Variants in DNAH12 observed in about 807,000 individuals in gnomAD.
The protein encoded by DNAH12 is dynein axonemal heavy chain 12.
Under a neutral mutation model 371.5 loss-of-function variants are expected in DNAH12, and 285 were observed. That is an observed-to-expected ratio of 0.77 (90% confidence interval 0.70 to 0.85). DNAH12 has a LOEUF of 0.85. Ranked by LOEUF, DNAH12 falls within the 40% of genes least tolerant of loss-of-function variation. The pLI is 0.00. For synonymous variants in DNAH12, 1,200 were observed against 1,213.0 expected (o/e 0.99, Z 0.22); for missense variants, 3,611 against 3,689.4 (o/e 0.98, Z 0.55).
At chr3:57,362,719 A>AT (rs2062963307) in intron 58 of DNAH12, among the ~76,000 whole-genome samples, 1 of 151,504 alleles carries the variant, frequency 6.6e-6, no homozygotes, top group Admixed American at 6.6e-5. Flanking sequence ...GGGTTATTTC[A>AT]TTTTTTTCTT....
intron 4 of DNAH12, among the ~76,000 whole-genome samples, chr3:57,518,532 A>AAAAAGAAAAGAAAAG (rs3039031): frequency 1.3e-5 from 2 of 149,564 alleles, no homozygotes; most frequent in Non-Finnish European, 3.0e-5. Flanking sequence ...CTGTCTCAAA[A>AAAAAGAAAAGAAAAG]AAAAGAAAAG....
chr3:57,429,812 A>G (rs2064901406), intron 32 of DNAH12, 38 bp from the exon 33 acceptor site: 18 of 1,477,212 alleles, frequency 1.2e-5, no homozygotes, highest in Non-Finnish European at 1.6e-5. Context: ...ATTTTTTAAA[A>G]TTTCAAGTTT....
chr3:57,302,529 GTATATATATATA>G (rs71088055), intron 69 of DNAH12, among the ~76,000 whole-genome samples: 1 of 47,850 alleles, frequency 2.1e-5, no homozygotes, highest in Non-Finnish European at 3.4e-5. Context: ...GGCATCAGGT[GTATATATATATA>G]TATATATATA....
chr3:57,385,177 CA>C (rs36160600), intron 48 of DNAH12, among the ~76,000 whole-genome samples, 171 bp downstream of exon 48: 98,471 of 152,038 alleles, frequency 0.65, 32,696 homozygotes, highest in Non-Finnish European at 0.74. Flanking sequence ...AAATGGGCTT[CA>C]AAAATTCCTT....
intron 45 of DNAH12, among the ~76,000 whole-genome samples, chr3:57,389,629 C>T (rs1469251372): frequency 6.6e-6 from 1 of 151,696 alleles, no homozygotes; most frequent in African/African-American, 2.4e-5. Context: ...CTTTTCTTAC[C>T]ATGTGACTCC....
Position 57,370,191 on chromosome 3 carries a change from C to A in DNAH12, c.8760-1931G>T, listed in dbSNP as rs1393193777. Among the ~76,000 whole-genome samples, 18 of 150,044 alleles carry A rather than the reference C, an allele frequency of 1.2e-4. No homozygotes were observed. The Admixed American group carries it at 1.2e-3, about 10-fold the overall frequency. On this transcript the variant is annotated intron_variant, in intron 55 of 73. Transcript: ENST00000495027. ...GTATAAACACTAAAAAAGGAACAGA[C>A]TATTTTGCATTTTATTTGTTTGTCT...
In DNAH12 at chr3:57,502,351, T is replaced by G; in HGVS notation, c.1215A>C (p.Glu405Asp). 1 of 1,614,182 alleles carries G rather than the reference T, an allele frequency of 6.2e-7. No individual in the cohort carries two copies. The highest frequency in any genetic ancestry group is 8.5e-7 in the Non-Finnish European group (1 of 1,180,008). The part of the protein sequence containing the change: ...TLKAAVHRNL[E>D]GARKHYETYV... ...ATGTCTCATAATGCTTTCTTGCACCTTCTAAGTTCCGATGTACTGCTGCCT... is the reference window on the plus strand; with the variant it reads ...ATGTCTCATAATGCTTTCTTGCACCGTCTAAGTTCCGATGTACTGCTGCCT... The change falls in exon 10 of 74, where the codon GAA (glutamate) becomes GAC (aspartate). Residue 405 changes from glutamate (E) to aspartate (D), a missense_variant. Glu to Asp is a conservative substitution (Grantham distance 45). Transcript: ENST00000495027.
chr3:57,313,637 A>T (rs539162658), intron 66 of DNAH12, among the ~76,000 whole-genome samples: 2 of 152,276 alleles, frequency 1.3e-5, no homozygotes, highest in African/African-American at 4.8e-5. Context: ...TGGGTGACAG[A>T]GTGAAACTCT....
intron 55 of DNAH12, among the ~76,000 whole-genome samples, chr3:57,372,713 T>A (rs2063200928): frequency 6.6e-6 from 1 of 151,046 alleles, no homozygotes; most frequent in African/African-American, 2.4e-5. Flanking sequence ...GTTTAACCAA[T>A]AAGCCAATGT....
At chr3:57,513,761 C>T (rs1347432418) in intron 4 of DNAH12, among the ~76,000 whole-genome samples, 1 of 152,164 alleles carries the variant, frequency 6.6e-6, no homozygotes, top group African/African-American at 2.4e-5. Context: ...TACCATCTGT[C>T]ACATATCAGA....
intron 30 of DNAH12, among the ~76,000 whole-genome samples, chr3:57,436,010 T>C (rs2065111552): frequency 6.6e-6 from 1 of 151,856 alleles, no homozygotes; most frequent in Non-Finnish European, 1.5e-5. Flanking sequence ...ATTTTCTCTA[T>C]TGCCCACTTC....
Position 57,394,899 on chromosome 3 carries a change from A to G in DNAH12, c.6949-567T>C, listed in dbSNP as rs890033890. 3.4e-4 allele frequency among the ~76,000 whole-genome samples: 52 copies of G among 152,282 alleles called. No individual in the cohort carries two copies. The Middle Eastern group carries it at 0.01, about 30-fold the overall frequency. On this transcript the variant is annotated intron_variant, in intron 43 of 73. Transcript: ENST00000495027. ...AACTGCAACCCAAATTCCTAATATA[A>G]GATATGGGCTCAGTAGTGTGCTGAA... is the stretch of plus-strand genomic sequence containing the variant.
chr3:57,301,994 T>C (rs1356655325), intron 69 of DNAH12, 55 bp from the exon 70 acceptor site: 2 of 1,507,492 alleles, frequency 1.3e-6, no homozygotes, highest in Admixed American at 4.1e-5. Flanking sequence ...ACATACGGTC[T>C]TTCCAGAAGA....
In DNAH12 at chr3:57,461,616, T is replaced by C. The variant is rs750214071; in HGVS notation, c.2609A>G (p.Tyr870Cys). ...WEDIAFHISL[Y>C]RDTGVCILSS... ...AAGAATACAGACTCCAGTGTCACGA[T>C]ACAGACTTATATGAAAAGCAATATC... The change falls in exon 19 of 74, where the codon TAT becomes TGT. Residue 870 changes from tyrosine to cysteine, a missense_variant. Coordinates refer to ENST00000495027, the MANE Select transcript of DNAH12 (RefSeq NM_001366028.2). 20 of 1,551,228 alleles carry C rather than the reference T, an allele frequency of 1.3e-5. No individual in the cohort carries two copies. The highest frequency in any genetic ancestry group is 1.6e-5 in the Non-Finnish European group (18 of 1,146,848).
intron 62 of DNAH12, among the ~76,000 whole-genome samples, chr3:57,329,733 G>A (rs2062045383): frequency 6.6e-6 from 1 of 151,134 alleles, no homozygotes; most frequent in African/African-American, 2.4e-5. Context: ...AAACTAAAGA[G>A]CTTCTGCACA....
In DNAH12 at chr3:57,323,197, C is replaced by A; in HGVS notation, c.10193G>T (p.Gly3398Val). 1 of 1,552,326 alleles carries A rather than the reference C, an allele frequency of 6.4e-7. No individual in the cohort carries two copies. Among genetic ancestry groups the A allele is most frequent in the South Asian group, 1.2e-5 (1 of 84,056 alleles). The change falls in exon 64 of 74, where the codon GGA becomes GTA. Residue 3398 changes from glycine to valine, a missense_variant. Physicochemically the swap from Gly to Val is moderately radical, Grantham distance 109. Around this residue, in one of 3 missense-constraint regions of DNAH12, gnomAD observed 2,266 missense variants for 2,236.9 expected, o/e 1.01. Transcript: ENST00000495027. ...SGNKFQAISL[G>V]QGQGPIAAKM... is the part of the protein sequence containing the mutation. ...TGCTGCAATCGGTCCTTGTCCCTGTCCCAGTGAAATAGCTTGAAACTTATT... is the reference window on the plus strand; with the variant it reads ...TGCTGCAATCGGTCCTTGTCCCTGTACCAGTGAAATAGCTTGAAACTTATT...
intron 60 of DNAH12, among the ~76,000 whole-genome samples, chr3:57,351,052 C>T (rs373603677): frequency 1.3e-5 from 2 of 151,410 alleles, no homozygotes; most frequent in South Asian, 2.1e-4. Context: ...AGGCAGATCA[C>T]GAGGTCAGGA....
In DNAH12 at chr3:57,466,385, G is replaced by A. The variant is rs1328778608; in HGVS notation, c.2349+2351C>T. Among the ~76,000 whole-genome samples the A allele has an allele frequency of 3.3e-5, 5 of 152,056 alleles. No individual in the cohort carries two copies. In the South Asian group the frequency reaches 6.2e-4, roughly 19 times the overall value. On this transcript the variant is annotated intron_variant, in intron 17 of 73. Transcript: ENST00000495027. ...TCTCTTTTTATATTTTTTAGACCAC[G>A]CAAATGTATTCAACATTGAAAATAA...
At chr3:57,523,356 C>A (rs953907397) in intron 4 of DNAH12, among the ~76,000 whole-genome samples, 2 of 152,076 alleles carry the variant, frequency 1.3e-5, no homozygotes, top group Non-Finnish European at 2.9e-5. Flanking sequence ...GCCCTCCAGC[C>A]TTGGTGACAG....
Sources: allele counts gnomAD v4.1 joint callset (sites outside exome capture counted in the v4.1 genomes callset), GRCh38; gene constraint gnomAD v4.1.1; regional missense constraint gnomAD v4.1.1; transcripts MANE v1.5; gene names NCBI Gene and HGNC (gene_info 2026-07-23, HGNC 2026-07-21).